CACNA1E: variants seen among roughly 807,000 people sequenced by gnomAD.
The protein encoded by CACNA1E is calcium voltage-gated channel subunit alpha1 E.
Under a neutral mutation model 259.2 loss-of-function variants are expected in CACNA1E, and 40 were observed. The observed-to-expected ratio is 0.15, with a 90% CI of 0.12 to 0.20. The LOEUF (loss-of-function observed/expected upper bound fraction) is 0.20. Among genes scored for constraint, CACNA1E ranks in the 10% least tolerant of loss-of-function variants. The pLI, the probability that CACNA1E is intolerant of heterozygous loss-of-function variation, is 1.00. For missense variants in CACNA1E, 1,874 were observed against 3,040.1 expected (o/e 0.62, Z 9.02); for synonymous variants, 1,104 against 1,138.5 (o/e 0.97, Z 0.61).
chr1:181,755,784 C>T (rs1276401261), intron 28 of CACNA1E, among the ~76,000 whole-genome samples, 172 bp from the exon 29 acceptor site: 1 of 152,210 alleles, frequency 6.6e-6, no homozygotes, highest in African/African-American at 2.4e-5. Flanking sequence ...GGCACCAAAT[C>T]CCATTTTTGC....
intron 43 of CACNA1E, among the ~76,000 whole-genome samples, chr1:181,787,050 G>A (rs898318742): frequency 6.6e-6 from 1 of 151,994 alleles, no homozygotes; most frequent in Non-Finnish European, 1.5e-5. Context: ...TGCTTGTGTA[G>A]GAGGGAGGGA....
intron 1 of CACNA1E, among the ~76,000 whole-genome samples, chr1:181,505,609 C>T (rs891314218): frequency 1.3e-5 from 2 of 151,966 alleles, no homozygotes; most frequent in African/African-American, 2.4e-5. Flanking sequence ...CTCCTGACCT[C>T]GTGATCTGCC....
In CACNA1E at chr1:181,805,279, T is replaced by A. The variant is rs1662554728; in HGVS notation, c.*6445T>A. On this transcript the variant is annotated 3_prime_UTR_variant, in exon 48 of 48. Coordinates refer to ENST00000367573, the MANE Select transcript of CACNA1E (RefSeq NM_001205293.3). ...AATTTGACTTTATTTGATGACTCAA[T>A]ATTTTCCTTCCAGTACTCTAATTTT... 6.6e-6 allele frequency: 1 copy of A among 152,210 alleles called. No homozygotes were observed. The highest frequency in any genetic ancestry group is 1.5e-5 in the Non-Finnish European group (1 of 68,036). The allele number at this position is 152,210 out of a possible 1,614,324, so 9.4% of individuals were successfully genotyped here.
intron 39 of CACNA1E, 119 bp downstream of exon 39, chr1:181,781,642 G>A (rs780373439): frequency 2.9e-6 from 2 of 680,338 alleles, no homozygotes; most frequent in Non-Finnish European, 5.3e-6. Context: ...GAACTAAGGA[G>A]GAAAGGCACG....
intron 7 of CACNA1E, among the ~76,000 whole-genome samples, chr1:181,680,546 G>A (rs1476481965): frequency 2.0e-5 from 3 of 152,108 alleles, no homozygotes; most frequent in South Asian, 2.1e-4. Flanking sequence ...TGCACATGCC[G>A]ACCAGCCCAG....
At chr1:181,567,061 G>T (rs958383684) in intron 3 of CACNA1E, among the ~76,000 whole-genome samples, 2 of 152,110 alleles carry the variant, frequency 1.3e-5, no homozygotes, top group African/African-American at 4.8e-5. Context: ...TCTTAGTGTG[G>T]TGGTTTTGAT....
At chr1:181,365,070 C>G (rs1654168078) in intron 1 of CACNA1E, among the ~76,000 whole-genome samples, 1 of 152,186 alleles carries the variant, frequency 6.6e-6, no homozygotes. Context: ...TGAGCACGTG[C>G]TTTGGGAGGT....
At position 181,768,295 on chromosome 1, in the gene CACNA1E, A is replaced by G. The variant is rs551836993; in HGVS notation, c.4881+1684A>G. On this transcript the variant is annotated intron_variant, in intron 35 of 47. Coordinates refer to ENST00000367573, the MANE Select transcript of CACNA1E (RefSeq NM_001205293.3). ...ACAAGACGCTGTACTAAATGTATGC[A>G]TAGAGAGAGAGTGAGGGGGGAGAAA... Among the ~76,000 whole-genome samples the G allele has an allele frequency of 5.3e-5, 8 of 152,308 alleles. No homozygotes were observed. In the East Asian group the frequency reaches 1.5e-3, roughly 29 times the overall value.
intron 1 of CACNA1E, among the ~76,000 whole-genome samples, chr1:181,407,987 G>C (rs558474495): frequency 1.3e-5 from 2 of 152,304 alleles, no homozygotes; most frequent in Non-Finnish European, 2.9e-5. Flanking sequence ...AGAGGGTACA[G>C]AGCCAAGATA....
chr1:181,541,621 T>C (rs952709357), intron 3 of CACNA1E, among the ~76,000 whole-genome samples: 2 of 152,230 alleles, frequency 1.3e-5, no homozygotes, highest in Non-Finnish European at 2.9e-5. Flanking sequence ...CAAGCCGCAG[T>C]GCTTAGCAGC....
intron 6 of CACNA1E, among the ~76,000 whole-genome samples, chr1:181,634,513 TTA>T: frequency 6.6e-6 from 1 of 152,220 alleles, no homozygotes; most frequent in East Asian, 1.9e-4. Flanking sequence ...GCAACAGCAA[TTA>T]TATCTTACTT....
intron 8 of CACNA1E, among the ~76,000 whole-genome samples, chr1:181,712,963 C>T (rs1441254818): frequency 6.6e-6 from 1 of 152,200 alleles, no homozygotes; most frequent in Non-Finnish European, 1.5e-5. Context: ...GTTGGCAAAG[C>T]CAGCTCTCTC....
chr1:181,744,592 C>T (rs1435689540), intron 25 of CACNA1E, among the ~76,000 whole-genome samples: 2 of 152,238 alleles, frequency 1.3e-5, no homozygotes, highest in East Asian at 1.9e-4. Context: ...CTGTTTCTTT[C>T]TCCTATTCTT....
intron 1 of CACNA1E, among the ~76,000 whole-genome samples, chr1:181,344,433 G>T (rs1652428078): frequency 6.6e-6 from 1 of 152,208 alleles, no homozygotes; most frequent in African/African-American, 2.4e-5. Flanking sequence ...TGGGAAGTTT[G>T]GTGCTGTCTC....
Position 181,805,331 on chromosome 1 carries a change from C to G in CACNA1E, c.*6497C>G, listed in dbSNP as rs558342818. 3 of 152,226 alleles carry G rather than the reference C, an allele frequency of 2.0e-5. No homozygotes were observed. The East Asian group carries it at 5.8e-4, about 29-fold the overall frequency. The allele number at this position is 152,226 out of a possible 1,614,324, so 9.4% of individuals were successfully genotyped here. Reference sequence around the variant, plus strand: ...TTTTATGGCAATGGCCTATATGGCACAAGAACCACCACTTAAAGCAAATCT... The same window carrying G: ...TTTTATGGCAATGGCCTATATGGCAGAAGAACCACCACTTAAAGCAAATCT... On this transcript the variant is annotated 3_prime_UTR_variant, in exon 48 of 48. Transcript: ENST00000367573.
At position 181,717,295 on chromosome 1, in the gene CACNA1E, C is replaced by T. The variant is rs748405899; in HGVS notation, c.1518C>T (p.His506=). 5.0e-6 allele frequency: 8 copies of T among 1,612,742 alleles called. No homozygotes were observed. In the African/African-American group the frequency reaches 8.0e-5, roughly 16 times the overall value. Residue 506 remains histidine, a synonymous_variant, in exon 11 of 48, where the codon CAC becomes CAT. Coordinates refer to ENST00000367573, the MANE Select transcript of CACNA1E (RefSeq NM_001205293.3). ...ACAACCAGCCCCAGTGGCTCACCCA[C>T]CTCCTCTGTAAGTAAAGCCTCTCTC... is the stretch of plus-strand genomic sequence containing the variant. ...VHHNQPQWLT[H]LLYYAEFLFL...
chr1:181,763,067 G>A (rs1458661808), intron 33 of CACNA1E, among the ~76,000 whole-genome samples: 1 of 152,144 alleles, frequency 6.6e-6, no homozygotes, highest in Non-Finnish European at 1.5e-5. Flanking sequence ...TTGAATATTA[G>A]AGGGCCAGCG....
intron 7 of CACNA1E, among the ~76,000 whole-genome samples, chr1:181,669,784 CT>C (rs1327453568): frequency 6.6e-6 from 1 of 152,152 alleles, no homozygotes. Context: ...CATAATTCCC[CT>C]GAAACCCAAG....
At chr1:181,692,893 A>C (rs1025616912) in intron 7 of CACNA1E, among the ~76,000 whole-genome samples, 1 of 152,134 alleles carries the variant, frequency 6.6e-6, no homozygotes, top group African/African-American at 2.4e-5. Context: ...TTTGCAAACT[A>C]TGCATCCAAC....
Sources: allele counts gnomAD v4.1 joint callset (sites outside exome capture counted in the v4.1 genomes callset), GRCh38; gene constraint gnomAD v4.1.1; transcripts MANE v1.5; gene names NCBI Gene and HGNC (gene_info 2026-07-23, HGNC 2026-07-21).